The following MICOS10 variants were observed in gnomAD, a reference collection of about 807,000 sequenced individuals.
MICOS10 encodes the protein MICOS complex subunit MIC10.
Under a neutral mutation model 13.4 loss-of-function variants are expected in MICOS10, and 5 were observed. The observed-to-expected ratio is 0.37, with a 90% CI of 0.20 to 0.78. The LOEUF is 0.78. Ranked by LOEUF, MICOS10 falls within the 30% of genes least tolerant of loss-of-function variation. MICOS10 has a pLI of 0.47. For synonymous variants in MICOS10, 35 were observed against 33.6 expected, an observed-to-expected ratio of 1.04 and a Z score of -0.15; for missense variants, 101 against 94.6, an observed-to-expected ratio of 1.07 and a Z score of -0.28.
intron 1 of MICOS10, among the ~76,000 whole-genome samples, chr1:19,616,160 C>G (rs1204448786): frequency 6.6e-6 from 1 of 152,164 alleles, no homozygotes; most frequent in African/African-American, 2.4e-5. Flanking sequence ...AGGTGATCCG[C>G]CTGCCTCGGC....
chr1:19,597,115 G>A lies in MICOS10; in HGVS notation c.64+6G>A. The stretch of plus-strand genomic sequence containing the variant: ...GGATGCGGTCGTGAAGATAGGTAAG[G>A]GGCTTTTCGCCCCAGCAGGCCCGGC... On this transcript the variant is annotated splice_donor_region_variant and intron_variant, in intron 1 of 3. Coordinates refer to ENST00000322753, the MANE Select transcript of MICOS10 (RefSeq NM_001032363.4). 1 of 1,600,198 alleles carries A rather than the reference G, an allele frequency of 6.2e-7. No individual in the cohort carries two copies. The highest frequency in any genetic ancestry group is 8.5e-7 in the Non-Finnish European group (1 of 1,174,150).
In MICOS10 at chr1:19,627,427, G is replaced by A. The variant is rs1250442267; in HGVS notation, c.*1026G>A. ...AGCAGCAGAGATAAATGGATAAATA[G>A]ACACAGGCTTCTGCCTTCAAGGAGC... is the stretch of plus-strand genomic sequence containing the variant. On this transcript the variant is annotated 3_prime_UTR_variant, in exon 4 of 4. Coordinates refer to ENST00000322753, the MANE Select transcript of MICOS10 (RefSeq NM_001032363.4). The A allele has an allele frequency of 6.6e-6, 1 of 152,198 alleles. No homozygotes were observed. Among genetic ancestry groups the A allele is most frequent in the African/African-American group, 2.4e-5 (1 of 41,440 alleles). 9.4% of individuals were successfully genotyped at this position (152,198 alleles called of 1,614,324 possible).
intron 1 of MICOS10, among the ~76,000 whole-genome samples, chr1:19,614,915 C>G (rs1400287676): frequency 6.6e-6 from 1 of 152,206 alleles, no homozygotes; most frequent in African/African-American, 2.4e-5. Flanking sequence ...GTTCCCTGCA[C>G]AGCCCTGCTT....
chr1:19,612,521 G>A (rs1423406812), intron 1 of MICOS10, among the ~76,000 whole-genome samples: 4 of 151,718 alleles, frequency 2.6e-5, no homozygotes, highest in Non-Finnish European at 5.9e-5. Context: ...TCAGGAATTC[G>A]AGACCAGCCT....
At chr1:19,625,781 A>G in intron 3 of MICOS10, 4 of 876,592 alleles carry the variant, frequency 4.6e-6, no homozygotes, top group South Asian at 1.7e-5. Context: ...TCCTGCTCCA[A>G]AATGGCCTTG....
intron 1 of MICOS10, among the ~76,000 whole-genome samples, chr1:19,611,447 T>C (rs187744460): frequency 6.6e-6 from 1 of 150,474 alleles, no homozygotes; most frequent in African/African-American, 2.5e-5. Context: ...CTTATCTTTC[T>C]CTTTATTCCA....
chr1:19,626,348 C>T (rs745451516), intron 3 of MICOS10, 39 bp from the exon 4 acceptor site: 28 of 1,613,590 alleles, frequency 1.7e-5, no homozygotes, highest in East Asian at 1.3e-4. Context: ...GTCAGAATGC[C>T]GTCTGCACAG....
chr1:19,601,973 A>G (rs566684463), intron 1 of MICOS10, among the ~76,000 whole-genome samples: 10 of 152,240 alleles, frequency 6.6e-5, no homozygotes, highest in Admixed American at 5.2e-4. Context: ...TTTGACATTG[A>G]TAGGTCTTTT....
chr1:19,619,906 C>CA (rs2100319068), intron 1 of MICOS10, among the ~76,000 whole-genome samples: 1 of 152,338 alleles, frequency 6.6e-6, no homozygotes, highest in Non-Finnish European at 1.5e-5. Flanking sequence ...CACACACCCG[C>CA]AACTGGCCTT....
rs369320086 is a variant in MICOS10, at chr1:19,627,325, G to C, written c.*924G>C. ...TTTTCCTTATCGTAGAATTAAGATA[G>C]GGAGAGCCCGATCCCACTTGCCCCT... On this transcript the variant is annotated 3_prime_UTR_variant, in exon 4 of 4. Coordinates refer to ENST00000322753, the MANE Select transcript of MICOS10 (RefSeq NM_001032363.4). The C allele has an allele frequency of 6.6e-6, 1 of 152,220 alleles. No individual in the cohort carries two copies. The highest frequency in any genetic ancestry group is 1.9e-4 in the East Asian group (1 of 5,196). The allele number at this position is 152,220 out of a possible 1,614,324, so 9.4% of individuals were successfully genotyped here.
intron 1 of MICOS10, among the ~76,000 whole-genome samples, chr1:19,600,046 C>A (rs924382532): frequency 6.6e-6 from 1 of 151,806 alleles, no homozygotes; most frequent in Non-Finnish European, 1.5e-5. Context: ...CTGCCCTCAA[C>A]AGGGAATTGA....
chr1:19,622,920 CTTTTT>C (rs373297142), intron 2 of MICOS10, among the ~76,000 whole-genome samples: 1 of 131,916 alleles, frequency 7.6e-6, no homozygotes, highest in Non-Finnish European at 1.6e-5. Flanking sequence ...TATTTTACTA[CTTTTT>C]TTTTTTTTTT....
intron 1 of MICOS10, among the ~76,000 whole-genome samples, chr1:19,619,330 A>G (rs1400987749): frequency 2.6e-5 from 4 of 152,210 alleles, no homozygotes; most frequent in South Asian, 2.1e-4. Context: ...GTTTGCTTCT[A>G]ATTATTTGCA....
chr1:19,616,410 T>C (rs191430406), intron 1 of MICOS10, among the ~76,000 whole-genome samples: 6 of 152,270 alleles, frequency 3.9e-5, no homozygotes, highest in East Asian at 1.9e-4. Context: ...TCCATAGAAA[T>C]ACCCTTTTCA....
chr1:19,603,415 G>A (rs982890096), intron 1 of MICOS10, among the ~76,000 whole-genome samples: 4 of 152,208 alleles, frequency 2.6e-5, no homozygotes, highest in African/African-American at 7.2e-5. Flanking sequence ...GAATGCCGAA[G>A]GCTTGCACCA....
intron 1 of MICOS10, among the ~76,000 whole-genome samples, chr1:19,610,972 G>T (rs1449820124): frequency 6.6e-6 from 1 of 151,620 alleles, no homozygotes; most frequent in Middle Eastern, 3.4e-3. Flanking sequence ...TTGAGACAGG[G>T]TCTCACTGTC....
At chr1:19,614,518 C>G (rs1191724597) in intron 1 of MICOS10, 1 of 151,664 alleles carries the variant, frequency 6.6e-6, no homozygotes, top group African/African-American at 2.4e-5. Flanking sequence ...GGGGTTTCAC[C>G]GTGTTAGCCA....
At chr1:19,603,537 C>T (rs2094823935) in intron 1 of MICOS10, among the ~76,000 whole-genome samples, 1 of 152,202 alleles carries the variant, frequency 6.6e-6, no homozygotes, top group Non-Finnish European at 1.5e-5. Context: ...CTGGCACTTC[C>T]TGGATTCATA....
rs1770490 is a variant in MICOS10, at chr1:19,619,262, T to C, written c.65-2838T>C. Among the ~76,000 whole-genome samples, 119 of 152,364 alleles carry C rather than the reference T, an allele frequency of 7.8e-4. 1 individual carries two copies. Among genetic ancestry groups the C allele is most frequent in the African/African-American group, 2.7e-3 (114 of 41,584 alleles). ...TTAGGGGCTAACATCCAAAATACAT[T>C]GCTGCCCAAAGACTGCAATCAGATT... is the stretch of plus-strand genomic sequence containing the variant. On this transcript the variant is annotated intron_variant, in intron 1 of 3. Transcript: ENST00000322753.
Sources: gnomAD v4.1 joint callset for allele counts (sites outside exome capture counted in the v4.1 genomes callset) on GRCh38, gnomAD v4.1.1 for gene constraint, MANE v1.5 for transcripts, NCBI Gene and HGNC (gene_info 2026-07-23, HGNC 2026-07-21) for gene names.